BIRC6: variants seen among roughly 807,000 people sequenced by gnomAD.
The protein encoded by BIRC6 is dual E2 ubiquitin-conjugating enzyme/E3 ubiquitin-protein ligase BIRC6.
A neutral mutation model predicts 503.3 loss-of-function variants in BIRC6; 98 were observed. The ratio of observed to expected loss-of-function variants is 0.19; its 90% confidence interval spans 0.17 to 0.23. BIRC6 has a LOEUF of 0.23. Ranked by LOEUF, BIRC6 falls within the 10% of genes least tolerant of loss-of-function variation. The pLI is 1.00. For synonymous variants in BIRC6, 2,240 were observed against 2,078.7 expected, an observed-to-expected ratio of 1.08 and a Z score of -2.11; for missense variants, 5,360 against 5,806.0, an observed-to-expected ratio of 0.92 and a Z score of 2.50.
intron 32 of BIRC6, among the ~76,000 whole-genome samples, chr2:32,472,244 T>C (rs1048269530): frequency 2.6e-5 from 4 of 152,154 alleles, no homozygotes; most frequent in Non-Finnish European, 5.9e-5. Flanking sequence ...TTGTTTTGTA[T>C]TTTTAGTAGG....
At chr2:32,533,559 G>A (rs1341028758) in intron 61 of BIRC6, among the ~76,000 whole-genome samples, 1 of 152,222 alleles carries the variant, frequency 6.6e-6, no homozygotes, top group African/African-American at 2.4e-5. Context: ...TATAAGCCAA[G>A]AGTGAGGCTG....
intron 45 of BIRC6, 21 bp downstream of exon 45, chr2:32,493,688 T>G: frequency 6.4e-7 from 1 of 1,556,870 alleles, no homozygotes; most frequent in Non-Finnish European, 8.8e-7. Flanking sequence ...GTGTACTAAT[T>G]TGTTCCTGAT....
chr2:32,551,843 TA>T (rs1336415850), intron 65 of BIRC6, among the ~76,000 whole-genome samples: 1 of 152,220 alleles, frequency 6.6e-6, no homozygotes, highest in Non-Finnish European at 1.5e-5. Context: ...ATAATACTGA[TA>T]TTTTTACAGA....
intron 72 of BIRC6, 22 bp downstream of exon 72, chr2:32,607,665 A>C (rs148858263): frequency 0.012 from 19,340 of 1,571,126 alleles, 155 homozygotes; most frequent in Non-Finnish European, 0.015. Flanking sequence ...AAAATTAGTG[A>C]AATACTTTGT....
chr2:32,501,616 C>A, intron 46 of BIRC6, 97 bp from the exon 47 acceptor site: 1 of 1,002,834 alleles, frequency 1.0e-6, no homozygotes, highest in South Asian at 2.0e-5. Context: ...GGTGATCCAC[C>A]TGCCTCGGCC....
chr2:32,549,490 T>A lies in BIRC6; in HGVS notation c.13144+9T>A. On this transcript the variant is annotated intron_variant, in intron 65 of 73. Coordinates refer to ENST00000421745, the MANE Select transcript of BIRC6 (RefSeq NM_016252.4). Reference sequence around the variant, plus strand: ...TCTACGAAATGATTCAGGTAAATAATCCCTGTAAATGTGTCTGTGGATGAA... The same window carrying A: ...TCTACGAAATGATTCAGGTAAATAAACCCTGTAAATGTGTCTGTGGATGAA... 7.0e-7 allele frequency: 1 copy of A among 1,419,646 alleles called. No homozygotes were observed. The highest frequency in any genetic ancestry group is 1.8e-5 in the South Asian group (1 of 56,284). 87.9% of individuals were successfully genotyped at this position (1,419,646 alleles called of 1,614,324 possible).
chr2:32,485,346 C>G (rs2050874692), intron 39 of BIRC6, among the ~76,000 whole-genome samples: 1 of 152,210 alleles, frequency 6.6e-6, no homozygotes, highest in Non-Finnish European at 1.5e-5. Context: ...GTATTTATAG[C>G]ACTTTATTCT....
chr2:32,569,921 T>C (rs1012472991), intron 65 of BIRC6, among the ~76,000 whole-genome samples: 2 of 152,072 alleles, frequency 1.3e-5, no homozygotes, highest in African/African-American at 2.4e-5. Context: ...CTTTTTTTTT[T>C]CCCTTGCCTG....
intron 30 of BIRC6, 88 bp downstream of exon 30, chr2:32,469,702 G>T: frequency 1.7e-6 from 2 of 1,191,244 alleles, no homozygotes; most frequent in Non-Finnish European, 2.4e-6. Flanking sequence ...TTGAAATGTG[G>T]ATACTAAGTT....
At chr2:32,525,173 A>AT (rs1190655308) in intron 58 of BIRC6, among the ~76,000 whole-genome samples, 154 bp downstream of exon 58, 9 of 151,588 alleles carry the variant, frequency 5.9e-5, no homozygotes, top group African/African-American at 1.2e-4. Flanking sequence ...TTTTATTTTT[A>AT]TTTTTTTTCA....
At chr2:32,396,452 C>G (rs538826599) in intron 6 of BIRC6, among the ~76,000 whole-genome samples, 1 of 152,262 alleles carries the variant, frequency 6.6e-6, no homozygotes, top group African/African-American at 2.4e-5. Context: ...GGCAAACTTG[C>G]TAAAACGTAT....
At chr2:32,594,612 C>G (rs1020807637) in intron 67 of BIRC6, among the ~76,000 whole-genome samples, 2 of 152,116 alleles carry the variant, frequency 1.3e-5, no homozygotes, top group African/African-American at 4.8e-5. Flanking sequence ...GGGAGAATTA[C>G]CTGAGCCTGG....
intron 66 of BIRC6, among the ~76,000 whole-genome samples, chr2:32,586,814 C>T (rs2061065209): frequency 6.6e-6 from 1 of 152,144 alleles, no homozygotes; most frequent in Non-Finnish European, 1.5e-5. Flanking sequence ...CATTTAGTAA[C>T]TTGTTCATAT....
chr2:32,436,263 A>C, intron 15 of BIRC6, 79 bp downstream of exon 15: 1 of 1,207,018 alleles, frequency 8.3e-7, no homozygotes, highest in Non-Finnish European at 1.1e-6. Flanking sequence ...GATCTCAAAA[A>C]AAATAAGATT....
At chr2:32,430,805 CTTTTTTTTTT>C (rs370529825) in intron 11 of BIRC6, 50 bp from the exon 12 acceptor site, 72 of 484,772 alleles carry the variant, frequency 1.5e-4, no homozygotes, top group East Asian at 5.2e-4. Flanking sequence ...TCATTGTCTT[CTTTTTTTTTT>C]TTTTTTTTTT....
At chr2:32,384,484 C>T (rs554799484) in intron 3 of BIRC6, among the ~76,000 whole-genome samples, 18 of 151,602 alleles carry the variant, frequency 1.2e-4, no homozygotes, top group African/African-American at 2.2e-4. Context: ...TATAATATTA[C>T]GGCAGAAAAC....
At position 32,513,133 on chromosome 2, in the gene BIRC6, T is replaced by C. The variant is rs1193852105; in HGVS notation, c.10547T>C (p.Leu3516Pro). Residue 3516 changes from leucine (L) to proline (P), a missense_variant, in exon 54 of 74, where the codon CTC becomes CCC. Leu to Pro is a moderately conservative substitution (Grantham distance 98, BLOSUM62 -3). Around this residue, in one of 16 missense-constraint regions of BIRC6, gnomAD observed 878 missense variants for 928.9 expected, o/e 0.95. Coordinates refer to ENST00000421745, the MANE Select transcript of BIRC6 (RefSeq NM_016252.4). ...CTTGTAGAATATGACTTACCAGCAC[T>C]CCTGGACCAAGAGCTCTTTGAGTAA... ...ELLVEYDLPA[L>P]LDQELFELLF... The C allele has an allele frequency of 2.5e-6, 4 of 1,613,388 alleles. No homozygotes were observed. Among genetic ancestry groups the C allele is most frequent in the African/African-American group, 2.7e-5 (2 of 74,938 alleles).
At chr2:32,501,001 TG>T (rs1009919847) in intron 46 of BIRC6, among the ~76,000 whole-genome samples, 1 of 152,210 alleles carries the variant, frequency 6.6e-6, no homozygotes, top group Non-Finnish European at 1.5e-5. Flanking sequence ...AAGTATTATT[TG>T]TTCACATTTG....
At chr2:32,556,289 T>C (rs1314438658) in intron 65 of BIRC6, among the ~76,000 whole-genome samples, 1 of 152,222 alleles carries the variant, frequency 6.6e-6, no homozygotes. Flanking sequence ...AATTAAAATT[T>C]AGATGGGTTT....
Sources: allele counts gnomAD v4.1 joint callset (sites outside exome capture counted in the v4.1 genomes callset), GRCh38; gene constraint gnomAD v4.1.1; regional missense constraint gnomAD v4.1.1; transcripts MANE v1.5; gene names NCBI Gene and HGNC (gene_info 2026-07-23, HGNC 2026-07-21).